The following PCSK2 variants were observed in gnomAD, a reference collection of about 807,000 sequenced individuals.
PCSK2 encodes proprotein convertase subtilisin/kexin type 2, also known as neuroendocrine convertase 2.
PCSK2 carries 14 observed loss-of-function variants against 69.7 expected under a neutral mutation model. That is an observed-to-expected ratio of 0.20 (90% CI 0.13 to 0.31). The LOEUF is 0.31. Among genes scored for constraint, PCSK2 ranks in the 10% least tolerant of loss-of-function variants. PCSK2 has a pLI of 1.00. For synonymous variants in PCSK2, 307 were observed against 320.7 expected (o/e 0.96, Z 0.46); for missense variants, 544 against 842.5 (o/e 0.65, Z 4.39).
intron 2 of PCSK2, among the ~76,000 whole-genome samples, chr20:17,317,296 C>T (rs1403609055): frequency 1.3e-5 from 2 of 152,170 alleles, no homozygotes; most frequent in Non-Finnish European, 2.9e-5. Context: ...ATAATTTTCC[C>T]CCTATTAAAC....
intron 2 of PCSK2, among the ~76,000 whole-genome samples, chr20:17,304,676 A>T (rs1989270884): frequency 6.6e-6 from 1 of 152,236 alleles, no homozygotes; most frequent in Non-Finnish European, 1.5e-5. Context: ...ATTGATTTTG[A>T]AGTCACTCCT....
chr20:17,263,201 T>A (rs1987459820), intron 2 of PCSK2: 2 of 865,260 alleles, frequency 2.3e-6, no homozygotes, highest in Non-Finnish European at 1.4e-6. Flanking sequence ...ATTTCAATGA[T>A]GTTTGCCTCT....
intron 2 of PCSK2, among the ~76,000 whole-genome samples, chr20:17,306,208 C>T (rs1989321543): frequency 6.6e-6 from 1 of 152,096 alleles, no homozygotes. Context: ...GTTCCTCAGT[C>T]GTTTCTTGGT....
chr20:17,440,497 C>T (rs2123358085), intron 8 of PCSK2, among the ~76,000 whole-genome samples: 1 of 152,326 alleles, frequency 6.6e-6, no homozygotes, highest in South Asian at 2.1e-4. Flanking sequence ...GACTGAGCCA[C>T]ACGCCATTTG....
At position 17,482,131 on chromosome 20, in the gene PCSK2, A is replaced by G. The variant is rs965940808; in HGVS notation, c.*61A>G. 1.4e-6 allele frequency: 2 copies of G among 1,480,776 alleles called. No individual in the cohort carries two copies. The highest frequency in any genetic ancestry group is 1.8e-6 in the Non-Finnish European group (2 of 1,116,388). The allele number at this position is 1,480,776 out of a possible 1,614,324, so 91.7% of individuals were successfully genotyped here. On this transcript the variant is annotated 3_prime_UTR_variant, in exon 12 of 12. Transcript: ENST00000262545. ...CCAGCTCCGCCTCTGTCCTCGCTCC[A>G]CGTTTCAGGCAGGCACCTAGCAATT...
At chr20:17,438,700 G>A (rs2032535285) in intron 8 of PCSK2, among the ~76,000 whole-genome samples, 2 of 152,134 alleles carry the variant, frequency 1.3e-5, no homozygotes, top group African/African-American at 2.4e-5. Flanking sequence ...GCCCTCTCAC[G>A]AAGCATTGCC....
Position 17,427,465 on chromosome 20 carries a change from G to A in PCSK2, c.621-1970G>A, listed in dbSNP as rs545283426. Reference sequence around the variant, plus strand: ...CCCTCAATACAGGCTATTCACAAAAGCCCCAATACAGTCACCCTGACAGTC... The same window carrying A: ...CCCTCAATACAGGCTATTCACAAAAACCCCAATACAGTCACCCTGACAGTC... On this transcript the variant is annotated intron_variant, in intron 6 of 11. Transcript: ENST00000262545. Among the ~76,000 whole-genome samples, 40 of 152,218 alleles carry A rather than the reference G, an allele frequency of 2.6e-4. No individual in the cohort carries two copies. The South Asian group carries it at 7.7e-3, about 29-fold the overall frequency.
At chr20:17,305,327 TG>T (rs966962854) in intron 2 of PCSK2, among the ~76,000 whole-genome samples, 10 of 152,212 alleles carry the variant, frequency 6.6e-5, no homozygotes, top group East Asian at 1.9e-4. Context: ...AAAATGAAAA[TG>T]TTTTTTTTTG....
At chr20:17,336,922 A>G (rs747354593) in intron 2 of PCSK2, among the ~76,000 whole-genome samples, 10 of 152,198 alleles carry the variant, frequency 6.6e-5, no homozygotes, top group Non-Finnish European at 2.9e-5. Context: ...GGAAATGACA[A>G]CAATGTTCTG....
intron 5 of PCSK2, among the ~76,000 whole-genome samples, chr20:17,386,410 C>T (rs1284342757): frequency 1.3e-5 from 2 of 152,204 alleles, no homozygotes; most frequent in African/African-American, 4.8e-5. Context: ...TATTATTCAG[C>T]CTTTTTATCA....
At chr20:17,468,090 G>A (rs112279465) in intron 11 of PCSK2, among the ~76,000 whole-genome samples, 6 of 49,528 alleles carry the variant, frequency 1.2e-4, no homozygotes, top group African/African-American at 2.0e-4. Context: ...GTGTCCTCCC[G>A]TAGATGGGCA....
intron 2 of PCSK2, among the ~76,000 whole-genome samples, chr20:17,324,606 C>T (rs886081833): frequency 6.6e-6 from 1 of 152,138 alleles, no homozygotes; most frequent in Non-Finnish European, 1.5e-5. Context: ...TGATCACCCT[C>T]TTCCTGCTGC....
At chr20:17,240,676 T>C (rs1461202718) in intron 1 of PCSK2, among the ~76,000 whole-genome samples, 1 of 152,216 alleles carries the variant, frequency 6.6e-6, no homozygotes, top group Non-Finnish European at 1.5e-5. Flanking sequence ...AGGCTGTATG[T>C]CAGATCCCCT....
intron 11 of PCSK2, among the ~76,000 whole-genome samples, chr20:17,470,027 G>A (rs542532110): frequency 3.5e-4 from 53 of 152,300 alleles, no homozygotes; most frequent in African/African-American, 1.2e-3. Context: ...TGTCTTTTGG[G>A]AATGAACAAA....
At chr20:17,480,207 T>TTTTTTTTTTTTTTTTTTG (rs1600614681) in intron 11 of PCSK2, among the ~76,000 whole-genome samples, 1 of 89,678 alleles carries the variant, frequency 1.1e-5, no homozygotes, top group African/African-American at 4.5e-5. Context: ...TTTTTTTTTT[T>TTTTTTTTTTTTTTTTTTG]GAGGCAGAGT....
chr20:17,366,604 G>C (rs1228306090), intron 4 of PCSK2, among the ~76,000 whole-genome samples: 1 of 152,150 alleles, frequency 6.6e-6, no homozygotes, highest in Non-Finnish European at 1.5e-5. Context: ...CACCTTAAAA[G>C]ATAATCAAAT....
chr20:17,309,628 G>T (rs1989437039), intron 2 of PCSK2, among the ~76,000 whole-genome samples: 1 of 152,020 alleles, frequency 6.6e-6, no homozygotes, highest in Non-Finnish European at 1.5e-5. Context: ...GACCAGCCTG[G>T]CCAACATGGT....
intron 2 of PCSK2, among the ~76,000 whole-genome samples, chr20:17,351,038 T>A (rs1329273359): frequency 1.5e-5 from 2 of 134,148 alleles, no homozygotes. Context: ...AGACTTCATC[T>A]AAAAAAAAAA....
rs753655282 is a variant in PCSK2, at chr20:17,268,033, GTA to G, written c.282+7718_282+7719del. Among the ~76,000 whole-genome samples the G allele has an allele frequency of 4.9e-3, 325 of 66,308 alleles. 6 individuals are homozygous for G. The highest frequency in any genetic ancestry group is 0.015 in the African/African-American group (246 of 16,552). The allele number at this position is 66,308 out of a possible 152,430, so 43.5% of individuals were successfully genotyped here. On this transcript the variant is annotated intron_variant, in intron 2 of 11. Coordinates refer to ENST00000262545, the MANE Select transcript of PCSK2 (RefSeq NM_002594.5). ...GGAAATGCATTTATATATCCAATGT[GTA>G]TATATATATATATATATATATATAT... is the stretch of plus-strand genomic sequence containing the variant.
Sources: allele counts gnomAD v4.1 joint callset (sites outside exome capture counted in the v4.1 genomes callset), GRCh38; gene constraint gnomAD v4.1.1; transcripts MANE v1.5; gene names NCBI Gene and HGNC (gene_info 2026-07-23, HGNC 2026-07-21).